The following RBFOX1 variants were observed in gnomAD, a reference collection of about 807,000 sequenced individuals.
The protein encoded by RBFOX1 is RNA binding fox-1 homolog 1, also known as RNA binding protein fox-1 homolog 1.
Under a neutral mutation model 57.7 loss-of-function variants are expected in RBFOX1, and 8 were observed. That is an observed-to-expected ratio of 0.14 (90% CI 0.08 to 0.25). The LOEUF is 0.25. Ranked by LOEUF, RBFOX1 falls within the 10% of genes least tolerant of loss-of-function variation. RBFOX1 has a pLI of 1.00. For synonymous variants in RBFOX1, 326 were observed against 222.4 expected (o/e 1.47, Z -4.15); for missense variants, 611 against 548.5 (o/e 1.11, Z -1.14).
At chr16:6,838,717 G>T (rs546659399) in intron 3 of RBFOX1, among the ~76,000 whole-genome samples, 2 of 152,188 alleles carry the variant, frequency 1.3e-5, no homozygotes, top group East Asian at 3.9e-4. Context: ...GGGCTTGCCC[G>T]TCCTGCATCG....
intron 3 of RBFOX1, among the ~76,000 whole-genome samples, chr16:6,719,294 A>G (rs957251931): frequency 2.6e-5 from 4 of 152,174 alleles, no homozygotes; most frequent in Non-Finnish European, 5.9e-5. Flanking sequence ...AGAAAAAAAG[A>G]GGAAAAAATA....
chr16:5,464,284 G>A (rs2068886303), intron 1 of RBFOX1, among the ~76,000 whole-genome samples: 1 of 152,258 alleles, frequency 6.6e-6, no homozygotes, highest in Non-Finnish European at 1.5e-5. Context: ...GGGGTCCCCA[G>A]TGGGGTAGAC....
chr16:5,348,555 A>G (rs1378361740), intron 1 of RBFOX1, among the ~76,000 whole-genome samples: 17 of 152,186 alleles, frequency 1.1e-4, no homozygotes, highest in Admixed American at 1.1e-3. Flanking sequence ...GTTCAAACCT[A>G]GGTTGGCTAC....
At chr16:5,661,048 C>G (rs928237283) in intron 3 of RBFOX1, among the ~76,000 whole-genome samples, 1 of 152,174 alleles carries the variant, frequency 6.6e-6, no homozygotes, top group African/African-American at 2.4e-5. Context: ...CAATGGCATA[C>G]TCATTCTGCA....
At chr16:6,755,771 T>A (rs947698109) in intron 3 of RBFOX1, among the ~76,000 whole-genome samples, 3 of 152,192 alleles carry the variant, frequency 2.0e-5, no homozygotes, top group Non-Finnish European at 4.4e-5. Flanking sequence ...TTGGCCTTCT[T>A]TTTTCTTCTC....
intron 4 of RBFOX1, among the ~76,000 whole-genome samples, chr16:7,374,981 C>G (rs1204261835): frequency 6.6e-6 from 1 of 152,194 alleles, no homozygotes; most frequent in Non-Finnish European, 1.5e-5. Context: ...TGTACAACAT[C>G]TGTCTTGGTG....
chr16:6,977,329 A>C (rs2087295774), intron 3 of RBFOX1, among the ~76,000 whole-genome samples: 1 of 151,978 alleles, frequency 6.6e-6, no homozygotes, highest in African/African-American at 2.4e-5. Flanking sequence ...AATTGATATT[A>C]TGATCTTTGA....
intron 3 of RBFOX1, among the ~76,000 whole-genome samples, chr16:6,886,745 ACT>A (rs2064128233): frequency 1.5e-5 from 2 of 137,014 alleles, no homozygotes; most frequent in Admixed American, 7.9e-5. Context: ...AGCAAGTGAG[ACT>A]CTATCTGAAA....
intron 2 of RBFOX1, among the ~76,000 whole-genome samples, chr16:6,643,643 G>GTA (rs1417729631): frequency 6.6e-6 from 1 of 152,128 alleles, no homozygotes; most frequent in Admixed American, 6.5e-5. Context: ...GTAAGGGAGA[G>GTA]TATAAAATAC....
At chr16:7,068,418 C>G (rs1567141666) in intron 4 of RBFOX1, among the ~76,000 whole-genome samples, 1 of 152,048 alleles carries the variant, frequency 6.6e-6, no homozygotes, top group Non-Finnish European at 1.5e-5. Flanking sequence ...TCCAAGGTAG[C>G]CCAGGGTGGC....
At chr16:6,581,119 A>G (rs925162512) in intron 2 of RBFOX1, among the ~76,000 whole-genome samples, 1 of 152,074 alleles carries the variant, frequency 6.6e-6, no homozygotes, top group South Asian at 2.1e-4. Context: ...ATATACTCTA[A>G]GTGCCAGGTA....
intron 1 of RBFOX1, among the ~76,000 whole-genome samples, chr16:5,252,636 G>C (rs1286098947): frequency 6.6e-6 from 1 of 152,188 alleles, no homozygotes; most frequent in African/African-American, 2.4e-5. Flanking sequence ...GCACCTGCCT[G>C]CTCCTGTCTT....
At chr16:5,407,186 A>G (rs1237077988) in intron 1 of RBFOX1, among the ~76,000 whole-genome samples, 3 of 152,242 alleles carry the variant, frequency 2.0e-5, no homozygotes, top group East Asian at 3.9e-4. Flanking sequence ...TTATAAAACC[A>G]TCAGATCTCT....
intron 2 of RBFOX1, among the ~76,000 whole-genome samples, chr16:6,632,707 G>C (rs2098399944): frequency 6.6e-6 from 1 of 152,186 alleles, no homozygotes; most frequent in Non-Finnish European, 1.5e-5. Context: ...TGCTTGCCAG[G>C]CCTAACCAAC....
chr16:7,145,895 C>T (rs78485995), intron 4 of RBFOX1, among the ~76,000 whole-genome samples: 353 of 152,242 alleles, frequency 2.3e-3, no homozygotes, highest in African/African-American at 7.8e-3. Flanking sequence ...AGGTTCCCAT[C>T]CCCTCAAGTC....
At chr16:6,577,126 A>G (rs2097451777) in intron 2 of RBFOX1, 1 of 152,190 alleles carries the variant, frequency 6.6e-6, no homozygotes, top group Non-Finnish European at 1.5e-5. Context: ...TGGATGCTAC[A>G]TGTTAAAAAC....
intron 4 of RBFOX1, among the ~76,000 whole-genome samples, chr16:7,227,150 C>A (rs182569692): frequency 2.2e-4 from 34 of 152,046 alleles, no homozygotes; most frequent in Admixed American, 4.6e-4. Flanking sequence ...AGTAATAGTA[C>A]CCCATTATGT....
downstream of RBFOX1, among the ~76,000 whole-genome samples, chr16:5,603,138 C>A (rs1464869036): frequency 6.6e-6 from 1 of 152,198 alleles, no homozygotes; most frequent in Admixed American, 6.5e-5. Context: ...CACCTGTCTG[C>A]TTTGGCACTG....
intron 4 of RBFOX1, among the ~76,000 whole-genome samples, chr16:7,323,600 C>G (rs1254960855): frequency 1.3e-5 from 2 of 152,228 alleles, no homozygotes; most frequent in Non-Finnish European, 2.9e-5. Flanking sequence ...ACTCTACGGC[C>G]TTGGCCAATT....
Sources: allele counts gnomAD v4.1 joint callset (sites outside exome capture counted in the v4.1 genomes callset), GRCh38; gene constraint gnomAD v4.1.1; transcripts MANE v1.5; gene names NCBI Gene and HGNC (gene_info 2026-07-23, HGNC 2026-07-21).